The following RBFOX1 variants were observed in gnomAD, a reference collection of about 807,000 sequenced individuals.
RBFOX1 encodes the protein RNA binding protein fox-1 homolog 1.
RBFOX1 carries 8 observed loss-of-function variants against 57.7 expected under a neutral mutation model. The observed-to-expected ratio is 0.14, with a 90% CI of 0.08 to 0.25. The LOEUF (loss-of-function observed/expected upper bound fraction) is 0.25. RBFOX1 is among the 10% of genes least tolerant of loss of function. The probability of loss-of-function intolerance (pLI) is 1.00; values close to 1 mark genes in which losing one functional copy is unlikely to be tolerated. For synonymous variants in RBFOX1, 326 were observed against 222.4 expected (o/e 1.47, Z -4.15); for missense variants, 611 against 548.5 (o/e 1.11, Z -1.14).
At chr16:5,728,338 A>G (rs12921729) in intron 3 of RBFOX1, among the ~76,000 whole-genome samples, 1 of 152,160 alleles carries the variant, frequency 6.6e-6, no homozygotes, top group South Asian at 2.1e-4. Flanking sequence ...TTTTATCCCT[A>G]TTGTCAAAAG....
intron 1 of RBFOX1, among the ~76,000 whole-genome samples, chr16:5,452,119 T>C (rs1466444769): frequency 0.013 from 1,310 of 101,388 alleles, 2 homozygotes; most frequent in Non-Finnish European, 0.018. Flanking sequence ...TCTCTCTCTT[T>C]TTTTTTTTTT....
intron 3 of RBFOX1, among the ~76,000 whole-genome samples, chr16:6,685,607 C>G (rs1460959070): frequency 6.6e-6 from 1 of 151,870 alleles, no homozygotes; most frequent in Non-Finnish European, 1.5e-5. Context: ...ATTTTTTGGT[C>G]ACACTTAAAC....
At chr16:6,502,827 C>T (rs1337686277) in intron 2 of RBFOX1, among the ~76,000 whole-genome samples, 4 of 152,140 alleles carry the variant, frequency 2.6e-5, no homozygotes, top group Admixed American at 6.6e-5. Context: ...CTATTCTATT[C>T]TCGCTGGTTC....
At chr16:6,798,378 C>G (rs1038495065) in intron 3 of RBFOX1, among the ~76,000 whole-genome samples, 3 of 152,136 alleles carry the variant, frequency 2.0e-5, no homozygotes, top group South Asian at 4.1e-4. Context: ...GAAAGCCATT[C>G]TGAGACAGAA....
chr16:7,496,465 G>C (rs1410534388), intron 4 of RBFOX1, among the ~76,000 whole-genome samples: 2 of 152,088 alleles, frequency 1.3e-5, no homozygotes, highest in Non-Finnish European at 2.9e-5. Context: ...CTTTCAAATG[G>C]GGATAGTGAT....
chr16:6,881,760 G>A, intron 3 of RBFOX1, among the ~76,000 whole-genome samples: 1 of 152,326 alleles, frequency 6.6e-6, no homozygotes, highest in Admixed American at 6.5e-5. Flanking sequence ...AGCCAGGCAT[G>A]AGCTTATATA....
intron 1 of RBFOX1, among the ~76,000 whole-genome samples, chr16:5,258,298 A>G (rs2062641385): frequency 2.0e-5 from 3 of 152,288 alleles, no homozygotes; most frequent in South Asian, 2.1e-4. Context: ...AACGTTTGCA[A>G]TATTTACTCC....
chr16:7,478,320 A>T (rs2063160680), intron 4 of RBFOX1, among the ~76,000 whole-genome samples: 1 of 152,226 alleles, frequency 6.6e-6, no homozygotes, highest in Admixed American at 6.5e-5. Flanking sequence ...GCTAAAAGGG[A>T]TAGCAAGAGG....
At chr16:5,393,305 G>C (rs527870077) in intron 1 of RBFOX1, among the ~76,000 whole-genome samples, 1 of 152,290 alleles carries the variant, frequency 6.6e-6, no homozygotes, top group Admixed American at 6.5e-5. Context: ...ATTGGGGGTT[G>C]GATCCAGCTG....
chr16:6,207,314 T>C (rs2097261898), intron 1 of RBFOX1, among the ~76,000 whole-genome samples: 1 of 152,208 alleles, frequency 6.6e-6, no homozygotes, highest in Non-Finnish European at 1.5e-5. Context: ...ATGCAATCTA[T>C]AGAAAGCCAT....
chr16:5,485,301 G>A (rs189878989), intron 2 of RBFOX1, among the ~76,000 whole-genome samples: 2 of 130,684 alleles, frequency 1.5e-5, no homozygotes, highest in African/African-American at 5.7e-5. Flanking sequence ...AGCCGAGATT[G>A]CGCCACTGCA....
At chr16:7,251,835 C>G (rs575308526) in intron 4 of RBFOX1, among the ~76,000 whole-genome samples, 5 of 152,118 alleles carry the variant, frequency 3.3e-5, no homozygotes, top group Non-Finnish European at 7.3e-5. Context: ...ATTTCGTTTC[C>G]TTTGGATATA....
At chr16:6,929,079 C>G (rs530222006) in intron 3 of RBFOX1, among the ~76,000 whole-genome samples, 2 of 152,276 alleles carry the variant, frequency 1.3e-5, no homozygotes, top group East Asian at 3.9e-4. Context: ...GCTTGCCCCA[C>G]TCCCCAGTCT....
chr16:7,225,905 A>AATAAATAAATATATATATATATAT (rs66510060), intron 4 of RBFOX1, among the ~76,000 whole-genome samples: 30 of 93,722 alleles, frequency 3.2e-4, no homozygotes, highest in African/African-American at 1.4e-3. Context: ...AAGTATAATA[A>AATAAATAAATATATATATATATAT]ATATATATAT....
intron 3 of RBFOX1, among the ~76,000 whole-genome samples, chr16:6,787,588 C>T (rs2082179423): frequency 6.6e-6 from 1 of 152,004 alleles, no homozygotes; most frequent in Non-Finnish European, 1.5e-5. Flanking sequence ...CCTGTGACAC[C>T]CTTCACAGTC....
chr16:6,685,355 A>G (rs1414100181), intron 3 of RBFOX1, among the ~76,000 whole-genome samples: 4 of 142,796 alleles, frequency 2.8e-5, no homozygotes, highest in Admixed American at 1.5e-4. Flanking sequence ...GGCTCACTGC[A>G]ACCTCCGCCT....
chr16:5,331,942 C>A (rs555149216), intron 1 of RBFOX1, among the ~76,000 whole-genome samples: 2 of 152,346 alleles, frequency 1.3e-5, no homozygotes, highest in East Asian at 3.9e-4. Context: ...TGCTTCTTAT[C>A]CCATAGTGTC....
At chr16:7,146,355 A>G (rs574610831) in intron 4 of RBFOX1, among the ~76,000 whole-genome samples, 8 of 152,192 alleles carry the variant, frequency 5.3e-5, no homozygotes, top group African/African-American at 1.9e-4. Context: ...GGTCTTTCCT[A>G]TGCAAGGGCA....
At chr16:6,815,596 A>G (rs770729152) in intron 3 of RBFOX1, among the ~76,000 whole-genome samples, 2 of 152,136 alleles carry the variant, frequency 1.3e-5, no homozygotes, top group Non-Finnish European at 2.9e-5. Context: ...CATTAATCTC[A>G]TTTTACCAAT....
Sources: gnomAD v4.1 joint callset for allele counts (sites outside exome capture counted in the v4.1 genomes callset) on GRCh38, gnomAD v4.1.1 for gene constraint, MANE v1.5 for transcripts, NCBI Gene and HGNC (gene_info 2026-07-23, HGNC 2026-07-21) for gene names.